Variants in HIVEP3 observed in about 807,000 individuals in gnomAD.
The protein encoded by HIVEP3 is transcription factor HIVEP3.
Under a neutral mutation model 152.8 loss-of-function variants are expected in HIVEP3, and 49 were observed. The ratio of observed to expected loss-of-function variants is 0.32; its 90% CI spans 0.26 to 0.41. The LOEUF (loss-of-function observed/expected upper bound fraction) is 0.41, where lower values mean the gene tolerates loss of function less well. Ranked by LOEUF, HIVEP3 falls within the 10% of genes least tolerant of loss-of-function variation. The probability of loss-of-function intolerance (pLI) is 1.00; values close to 1 mark genes in which losing one functional copy is unlikely to be tolerated. For missense variants in HIVEP3, 2,790 were observed against 3,103.3 expected, an observed-to-expected ratio of 0.90 and a Z score of 2.40; for synonymous variants, 1,269 against 1,289.0, an observed-to-expected ratio of 0.98 and a Z score of 0.33.
At chr1:41,595,304 G>C (rs1644648888) in intron 3 of HIVEP3, among the ~76,000 whole-genome samples, 1 of 152,198 alleles carries the variant, frequency 6.6e-6, no homozygotes, top group African/African-American at 2.4e-5. Flanking sequence ...CCCCTTGTCA[G>C]TAATTCTCAG....
At chr1:41,699,266 T>C (rs564365286) in intron 2 of HIVEP3, among the ~76,000 whole-genome samples, 290 of 152,320 alleles carry the variant, frequency 1.9e-3, no homozygotes, top group Middle Eastern at 6.8e-3. Flanking sequence ...TTCCTGAGGC[T>C]CTGATGGTTC....
In HIVEP3 at chr1:41,583,325, C is replaced by G. The variant is rs779006301; in HGVS notation, c.1473G>C (p.Leu491=). Reference sequence around the variant, plus strand: ...GGGACTCCATGCTGCTGCGCCTGGACAGTGAGCTCCGCCTTGGCTTCACGC... The same window carrying G: ...GGGACTCCATGCTGCTGCGCCTGGAGAGTGAGCTCCGCCTTGGCTTCACGC... ...IDSVKPRRSS[L]SRRSSMESPK... The change falls in exon 4 of 9, where the codon CTG becomes CTC. Residue 491 remains leucine, a synonymous_variant. Transcript: ENST00000372583. The surrounding 1 kb of genome is among the most constrained non-coding windows in gnomAD (Gnocchi z 6.9). The G allele has an allele frequency of 4.1e-5, 66 of 1,610,644 alleles. No individual in the cohort carries two copies. Among genetic ancestry groups the G allele is most frequent in the Non-Finnish European group, 3.1e-5 (36 of 1,178,428 alleles).
intron 3 of HIVEP3, among the ~76,000 whole-genome samples, chr1:41,619,433 TAC>T (rs1645015063): frequency 1.3e-5 from 2 of 152,248 alleles, no homozygotes; most frequent in Non-Finnish European, 2.9e-5. Flanking sequence ...TCACAAAATA[TAC>T]AGTCTATAGA....
At chr1:41,753,389 G>A (rs966812796) in intron 1 of HIVEP3, among the ~76,000 whole-genome samples, 4 of 152,320 alleles carry the variant, frequency 2.6e-5, no homozygotes, top group Admixed American at 2.0e-4. Context: ...GGCCGGGCAC[G>A]GTGGCTCACG....
intron 5 of HIVEP3, among the ~76,000 whole-genome samples, chr1:41,569,387 G>A (rs1213462866): frequency 6.6e-6 from 1 of 152,136 alleles, no homozygotes; most frequent in African/African-American, 2.4e-5. Context: ...GGTTCTTAGA[G>A]TGGCTTACTG....
chr1:41,903,046 A>T (rs574349726), intron 1 of HIVEP3, among the ~76,000 whole-genome samples: 2 of 152,352 alleles, frequency 1.3e-5, no homozygotes, highest in Non-Finnish European at 2.9e-5. Context: ...CATGTTTATT[A>T]TTATCACAGT....
chr1:41,912,155 G>A (rs896994001), intron 1 of HIVEP3, among the ~76,000 whole-genome samples: 1 of 152,174 alleles, frequency 6.6e-6, no homozygotes, highest in Non-Finnish European at 1.5e-5. Context: ...AAAAGGTACA[G>A]AAATGTCCAG....
intron 3 of HIVEP3, among the ~76,000 whole-genome samples, chr1:41,595,785 C>T (rs1644657342): frequency 6.6e-6 from 1 of 152,158 alleles, no homozygotes; most frequent in Non-Finnish European, 1.5e-5. Context: ...ACTGGCTTAG[C>T]CTCCTGGCCT....
At chr1:41,762,884 T>C (rs542176793) in intron 1 of HIVEP3, among the ~76,000 whole-genome samples, 11 of 152,318 alleles carry the variant, frequency 7.2e-5, no homozygotes, top group Admixed American at 5.9e-4. Flanking sequence ...TGTGCTTGCA[T>C]GTTAGGGGGC....
chr1:41,631,654 C>T (rs1446972003), intron 2 of HIVEP3, among the ~76,000 whole-genome samples: 1 of 152,136 alleles, frequency 6.6e-6, no homozygotes, highest in South Asian at 2.1e-4. Flanking sequence ...CCCCCTCCTA[C>T]CCCCAGGGCA....
intron 1 of HIVEP3, among the ~76,000 whole-genome samples, chr1:41,898,165 C>CA (rs1644564832): frequency 6.6e-6 from 1 of 152,216 alleles, no homozygotes; most frequent in Admixed American, 6.5e-5. Flanking sequence ...TTGTTTGTTT[C>CA]AGTCTTGGTG....
Position 41,584,463 on chromosome 1 carries a change from T to G in HIVEP3, c.335A>C (p.His112Pro), listed in dbSNP as rs1644472226. 2.5e-6 allele frequency: 4 copies of G among 1,614,062 alleles called. No homozygotes were observed. Among genetic ancestry groups the G allele is most frequent in the Non-Finnish European group, 3.4e-6 (4 of 1,179,996 alleles). ...TTGCCATGTGGACCCCTCCAGGAGA[T>G]GCTCAGGTTTGCCAGGCGACATGAA... ...PAFMSPGKPE[H>P]LLEGSTWQLV... Residue 112 changes from histidine to proline, a missense_variant, in exon 4 of 9, where the codon CAT becomes CCT. His to Pro is a moderately conservative substitution (Grantham distance 77, BLOSUM62 -2). This residue lies in a region of HIVEP3 where 209 missense variants were observed against 237.0 expected (regional missense o/e 0.88). Transcript: ENST00000372583. The surrounding 1 kb of genome is among the most constrained non-coding windows in gnomAD (Gnocchi z 5.2).
chr1:41,781,227 C>CT (rs1649021439), intron 1 of HIVEP3, among the ~76,000 whole-genome samples: 1 of 152,180 alleles, frequency 6.6e-6, no homozygotes. Flanking sequence ...GAAGGGGTCC[C>CT]TATCTTACCA....
chr1:41,575,447 A>T, intron 5 of HIVEP3, 97 bp downstream of exon 5: 2 of 1,326,812 alleles, frequency 1.5e-6, no homozygotes, highest in African/African-American at 2.9e-5. Flanking sequence ...CTGTGGGCAG[A>T]GCCCTTGCCA....
Position 41,584,998 on chromosome 1 carries a change from G to T in HIVEP3, c.-201C>A. 9.3e-6 allele frequency: 4 copies of T among 428,458 alleles called. No individual in the cohort carries two copies. Among genetic ancestry groups the T allele is most frequent in the Non-Finnish European group, 1.6e-5 (4 of 246,258 alleles). The allele number at this position is 428,458 out of a possible 1,614,324, so 26.5% of individuals were successfully genotyped here. ...CTCGGAGCAGGTCATCAGGGCCCAC[G>T]CTATTCTATTGGTGAGGCATGGCCC... On this transcript the variant is annotated 5_prime_UTR_variant, in exon 4 of 9. Coordinates refer to ENST00000372583, the MANE Select transcript of HIVEP3 (RefSeq NM_024503.5). The surrounding 1 kb of genome is among the most constrained non-coding windows in gnomAD (Gnocchi z 5.2).
At chr1:41,860,497 C>A (rs1643874016) in intron 1 of HIVEP3, among the ~76,000 whole-genome samples, 1 of 152,180 alleles carries the variant, frequency 6.6e-6, no homozygotes, top group African/African-American at 2.4e-5. Flanking sequence ...GCAATTTTCT[C>A]CTGAGCTGGT....
chr1:41,904,815 T>C (rs1644684197), intron 1 of HIVEP3, among the ~76,000 whole-genome samples: 2 of 152,310 alleles, frequency 1.3e-5, no homozygotes, highest in African/African-American at 4.8e-5. Flanking sequence ...TGAGGTTAAA[T>C]CTTTGTTTCC....
chr1:41,710,474 TG>T (rs1646496456), intron 1 of HIVEP3, among the ~76,000 whole-genome samples: 1 of 152,182 alleles, frequency 6.6e-6, no homozygotes, highest in African/African-American at 2.4e-5. Flanking sequence ...CAGAGCCTTA[TG>T]GAATGGCTCT....
chr1:41,635,169 T>A (rs1645250429), intron 2 of HIVEP3, among the ~76,000 whole-genome samples: 1 of 152,060 alleles, frequency 6.6e-6, no homozygotes, highest in Non-Finnish European at 1.5e-5. Flanking sequence ...ATGATGCACA[T>A]GACAATTTAA....
Sources: gnomAD v4.1 joint callset for allele counts (sites outside exome capture counted in the v4.1 genomes callset) on GRCh38, gnomAD v4.1.1 for gene constraint, gnomAD v4.1.1 regional missense constraint, Gnocchi (gnomAD v3.1) non-coding constraint, MANE v1.5 for transcripts, NCBI Gene and HGNC (gene_info 2026-07-23, HGNC 2026-07-21) for gene names.